The following PLCB1 variants were observed in gnomAD, a reference collection of about 807,000 sequenced individuals.
PLCB1 encodes the protein 1-phosphatidylinositol 4,5-bisphosphate phosphodiesterase beta-1.
Under a neutral mutation model 161.8 loss-of-function variants are expected in PLCB1, and 46 were observed. That is an observed-to-expected ratio of 0.28 (90% confidence interval 0.22 to 0.36). PLCB1 has a LOEUF of 0.36. Among genes scored for constraint, PLCB1 ranks in the 10% least tolerant of loss-of-function variants. The pLI is 1.00. For synonymous variants in PLCB1, 517 were observed against 503.7 expected (o/e 1.03, Z -0.35); for missense variants, 1,016 against 1,472.5 (o/e 0.69, Z 5.07).
At chr20:8,715,327 G>T (rs552800378) in intron 12 of PLCB1, among the ~76,000 whole-genome samples, 115 of 152,338 alleles carry the variant, frequency 7.5e-4, no homozygotes, top group African/African-American at 2.6e-3. Context: ...ACAAGTTACT[G>T]GGCGTAGGAT....
intron 2 of PLCB1, among the ~76,000 whole-genome samples, chr20:8,336,988 C>T (rs1028426666): frequency 7.9e-5 from 12 of 152,026 alleles, no homozygotes; most frequent in South Asian, 2.1e-4. Context: ...CATGTATTTA[C>T]ATATTTTAGG....
At chr20:8,581,525 A>G (rs560818716) in intron 3 of PLCB1, among the ~76,000 whole-genome samples, 36 of 152,326 alleles carry the variant, frequency 2.4e-4, no homozygotes, top group African/African-American at 8.7e-4. Context: ...TTTTAATTAG[A>G]ATAGAGCTAA....
intron 4 of PLCB1, among the ~76,000 whole-genome samples, chr20:8,645,645 G>A (rs1322981110): frequency 1.3e-5 from 2 of 152,188 alleles, no homozygotes; most frequent in African/African-American, 4.8e-5. Flanking sequence ...ATGGTATGGA[G>A]AATTTCTAGA....
intron 2 of PLCB1, among the ~76,000 whole-genome samples, chr20:8,271,009 A>G (rs923615665): frequency 1.3e-5 from 2 of 152,172 alleles, no homozygotes; most frequent in African/African-American, 4.8e-5. Context: ...CGTGCTGCTT[A>G]GAAGAATGCA....
At chr20:8,778,247 CAG>C (rs1326754060) in intron 27 of PLCB1, among the ~76,000 whole-genome samples, 1 of 152,122 alleles carries the variant, frequency 6.6e-6, no homozygotes, top group Non-Finnish European at 1.5e-5. Context: ...CAGATGAAAA[CAG>C]AAGCCAAAAC....
intron 31 of PLCB1, among the ~76,000 whole-genome samples, chr20:8,859,877 A>C (rs1987197203): frequency 6.6e-6 from 1 of 152,194 alleles, no homozygotes; most frequent in Non-Finnish European, 1.5e-5. Flanking sequence ...CACTCTACCT[A>C]CCATGATAAT....
At chr20:8,699,218 A>T (rs1366540546) in intron 11 of PLCB1, among the ~76,000 whole-genome samples, 1 of 152,224 alleles carries the variant, frequency 6.6e-6, no homozygotes, top group African/African-American at 2.4e-5. Flanking sequence ...GTCTCAGGGA[A>T]GTGTCACTAA....
intron 4 of PLCB1, among the ~76,000 whole-genome samples, chr20:8,630,003 T>TCTTTC: frequency 1.9e-5 from 2 of 103,686 alleles, no homozygotes; most frequent in Non-Finnish European, 4.0e-5. Flanking sequence ...TCTTTCTTTC[T>TCTTTC]TTCTTTCTCT....
chr20:8,765,104 C>T, intron 25 of PLCB1, 35 bp from the exon 26 acceptor site: 1 of 1,539,258 alleles, frequency 6.5e-7, no homozygotes, highest in African/African-American at 1.4e-5. Flanking sequence ...GTTCAGCCCT[C>T]CCATTCCCTT....
At chr20:8,338,020 G>A (rs1985650967) in intron 2 of PLCB1, among the ~76,000 whole-genome samples, 2 of 152,130 alleles carry the variant, frequency 1.3e-5, no homozygotes, top group Non-Finnish European at 2.9e-5. Context: ...TGCCCAGAAA[G>A]GTGCCTGTAA....
At chr20:8,855,640 A>G (rs1568626345) in intron 31 of PLCB1, among the ~76,000 whole-genome samples, 1 of 152,256 alleles carries the variant, frequency 6.6e-6, no homozygotes, top group Non-Finnish European at 1.5e-5. Context: ...TGTTCTAAGA[A>G]GGGATTGAGA....
chr20:8,217,904 A>G (rs1273898380), intron 2 of PLCB1, among the ~76,000 whole-genome samples: 3 of 151,994 alleles, frequency 2.0e-5, no homozygotes, highest in Admixed American at 6.6e-5. Flanking sequence ...ACCTTCCATC[A>G]TGGGATAATG....
chr20:8,497,802 T>A (rs1290752132), intron 3 of PLCB1, among the ~76,000 whole-genome samples: 1 of 152,232 alleles, frequency 6.6e-6, no homozygotes, highest in African/African-American at 2.4e-5. Context: ...AAATTCCTCA[T>A]ACATTTTTAA....
chr20:8,188,156 C>T (rs752171520), intron 2 of PLCB1, among the ~76,000 whole-genome samples: 5 of 152,062 alleles, frequency 3.3e-5, no homozygotes, highest in Admixed American at 2.0e-4. Flanking sequence ...TTGTGGGGCC[C>T]AGGTTTAAGA....
intron 3 of PLCB1, among the ~76,000 whole-genome samples, chr20:8,387,401 C>T (rs1164374192): frequency 1.3e-5 from 2 of 152,102 alleles, no homozygotes; most frequent in Admixed American, 6.6e-5. Flanking sequence ...GAACAGCTGG[C>T]CAATGGAGCA....
At chr20:8,593,030 A>G (rs906081825) in intron 3 of PLCB1, among the ~76,000 whole-genome samples, 2 of 152,030 alleles carry the variant, frequency 1.3e-5, no homozygotes, top group African/African-American at 4.8e-5. Context: ...AGGATTTTCT[A>G]TCACACAGCC....
chr20:8,840,446 T>C (rs1236506618), intron 31 of PLCB1, among the ~76,000 whole-genome samples: 1 of 152,144 alleles, frequency 6.6e-6, no homozygotes, highest in Non-Finnish European at 1.5e-5. Context: ...CTGAGGAAGC[T>C]ACACAGTAGC....
At chr20:8,286,896 G>A (rs1489713094) in intron 2 of PLCB1, among the ~76,000 whole-genome samples, 6 of 152,102 alleles carry the variant, frequency 3.9e-5, no homozygotes, top group African/African-American at 1.4e-4. Flanking sequence ...TGGACAGGGT[G>A]AAAATTCTCA....
chr20:8,536,309 C>A (rs768288340), intron 3 of PLCB1, among the ~76,000 whole-genome samples: 3 of 152,228 alleles, frequency 2.0e-5, no homozygotes, highest in Middle Eastern at 3.4e-3. Flanking sequence ...CCATGTTAGG[C>A]GCCGGATGAG....
Sources: gnomAD v4.1 joint callset for allele counts (sites outside exome capture counted in the v4.1 genomes callset) on GRCh38, gnomAD v4.1.1 for gene constraint, MANE v1.5 for transcripts, NCBI Gene and HGNC (gene_info 2026-07-23, HGNC 2026-07-21) for gene names.